Variants in PTPRD observed in about 807,000 individuals in gnomAD.
PTPRD encodes the protein receptor-type tyrosine-protein phosphatase delta.
PTPRD carries 34 observed loss-of-function variants against 214.5 expected under a neutral mutation model. The ratio of observed to expected loss-of-function variants is 0.16; its 90% CI spans 0.12 to 0.21. The LOEUF (loss-of-function observed/expected upper bound fraction) is 0.21, where lower values mean the gene tolerates loss of function less well. Among genes scored for constraint, PTPRD ranks in the 10% least tolerant of loss-of-function variants. The probability of loss-of-function intolerance (pLI) is 1.00; values close to 1 mark genes in which losing one functional copy is unlikely to be tolerated. For synonymous variants in PTPRD, 1,128 were observed against 845.7 expected, an observed-to-expected ratio of 1.33 and a Z score of -5.79; for missense variants, 2,545 against 2,398.7, an observed-to-expected ratio of 1.06 and a Z score of -1.27.
chr9:9,906,019 A>G (rs1406755361), intron 5 of PTPRD, among the ~76,000 whole-genome samples: 1 of 151,952 alleles, frequency 6.6e-6, no homozygotes, highest in Non-Finnish European at 1.5e-5. Context: ...TGTAACTTGA[A>G]GTACAGCTGA....
intron 7 of PTPRD, among the ~76,000 whole-genome samples, chr9:9,707,392 T>G (rs994290223): frequency 2.0e-5 from 3 of 152,210 alleles, no homozygotes; most frequent in African/African-American, 7.2e-5. Context: ...AGAGATGAGA[T>G]ATATTTCATT....
At chr9:8,893,928 T>C (rs1357740239) in intron 11 of PTPRD, among the ~76,000 whole-genome samples, 2 of 142,188 alleles carry the variant, frequency 1.4e-5, no homozygotes, top group Non-Finnish European at 3.1e-5. Context: ...AATGAATACA[T>C]CTGCATATGT....
Position 9,802,199 on chromosome 9 carries a change from C to T in PTPRD, c.-367-35348G>A, listed in dbSNP as rs555487661. On this transcript the variant is annotated intron_variant, in intron 5 of 45. Coordinates refer to ENST00000381196, the MANE Select transcript of PTPRD (RefSeq NM_002839.4). ...ATAATTTAAACTCAGTTTAAAATTG[C>T]TTTTACTTTACTCCTGAAATGCAAA... Among the ~76,000 whole-genome samples, 6 of 150,842 alleles carry T rather than the reference C, an allele frequency of 4.0e-5. No homozygotes were observed. The East Asian group carries it at 1.1e-3, about 27-fold the overall frequency.
At position 9,571,036 on chromosome 9, in the gene PTPRD, ATGACATGGCTTAGAC is replaced by A. The variant is rs542989932; in HGVS notation, c.-237+3681_-237+3695del. 5.3e-5 allele frequency among the ~76,000 whole-genome samples: 8 copies of A among 151,594 alleles called. No individual in the cohort carries two copies. The South Asian group carries it at 8.3e-4, about 16-fold the overall frequency. ...TTACATTATGAGTTACTCTTAAATC[ATGACATGGCTTAGAC>A]TAAGGACCCAGAGATGAAAAACAAA... On this transcript the variant is annotated intron_variant, in intron 8 of 45. Transcript: ENST00000381196.
At chr9:8,910,665 AT>A (rs1162700546) in intron 11 of PTPRD, among the ~76,000 whole-genome samples, 1 of 152,196 alleles carries the variant, frequency 6.6e-6, no homozygotes, top group Non-Finnish European at 1.5e-5. Context: ...AATAAATTTC[AT>A]TTCTTATCAA....
chr9:8,863,008 TATACG>T (rs1482351680), intron 11 of PTPRD, among the ~76,000 whole-genome samples: 2 of 152,116 alleles, frequency 1.3e-5, no homozygotes, highest in African/African-American at 4.8e-5. Context: ...ATGGCACATG[TATACG>T]TATGTAACTA....
intron 8 of PTPRD, among the ~76,000 whole-genome samples, chr9:9,413,840 C>A (rs571922546): frequency 5.2e-4 from 79 of 152,278 alleles, no homozygotes; most frequent in African/African-American, 1.6e-3. Flanking sequence ...ATGACAGTCA[C>A]TTAATAAATG....
At chr9:8,846,187 A>G (rs1017373372) in intron 11 of PTPRD, among the ~76,000 whole-genome samples, 1 of 152,216 alleles carries the variant, frequency 6.6e-6, no homozygotes, top group Non-Finnish European at 1.5e-5. Flanking sequence ...ATATAAAATT[A>G]AAATTAATTA....
At chr9:9,935,136 C>A (rs1231414473) in intron 5 of PTPRD, among the ~76,000 whole-genome samples, 2 of 152,050 alleles carry the variant, frequency 1.3e-5, no homozygotes, top group Non-Finnish European at 2.9e-5. Context: ...TGGGCAAAAA[C>A]TGGAAGCATT....
At chr9:9,762,855 A>T (rs894945675) in intron 6 of PTPRD, among the ~76,000 whole-genome samples, 7 of 152,226 alleles carry the variant, frequency 4.6e-5, no homozygotes, top group Admixed American at 6.5e-5. Flanking sequence ...CCATAGCAAG[A>T]TACCATAGAC....
At chr9:8,488,898 C>G (rs560739219) in intron 27 of PTPRD, among the ~76,000 whole-genome samples, 1 of 152,218 alleles carries the variant, frequency 6.6e-6, no homozygotes, top group African/African-American at 2.4e-5. Flanking sequence ...ACTATTAATT[C>G]TCAATATTCT....
intron 3 of PTPRD, among the ~76,000 whole-genome samples, chr9:10,042,032 G>T (rs556093655): frequency 6.6e-6 from 1 of 152,162 alleles, no homozygotes; most frequent in South Asian, 2.1e-4. Flanking sequence ...TTTGGAAGCA[G>T]AATGACAATG....
chr9:10,596,820 C>G (rs1353122794), intron 2 of PTPRD, among the ~76,000 whole-genome samples: 9 of 151,460 alleles, frequency 5.9e-5, no homozygotes, highest in Non-Finnish European at 1.3e-4. Flanking sequence ...ATAATATCTG[C>G]TTTTAATATT....
chr9:9,058,691 C>A (rs200763793), intron 10 of PTPRD, among the ~76,000 whole-genome samples: 1 of 151,390 alleles, frequency 6.6e-6, no homozygotes, highest in Non-Finnish European at 1.5e-5. Context: ...CCTCGTGATC[C>A]GCCCGCCTCG....
intron 14 of PTPRD, among the ~76,000 whole-genome samples, chr9:8,536,950 A>C (rs2077108385): frequency 6.6e-6 from 1 of 152,056 alleles, no homozygotes; most frequent in Admixed American, 6.6e-5. Context: ...TTCAAAATGA[A>C]TCACAGTATC....
chr9:9,664,816 C>G (rs1327809464), intron 7 of PTPRD, among the ~76,000 whole-genome samples: 2 of 151,564 alleles, frequency 1.3e-5, no homozygotes, highest in Non-Finnish European at 3.0e-5. Context: ...AATGAGAAAG[C>G]CTCTATCCCA....
chr9:8,790,563 G>A (rs2096188956), intron 11 of PTPRD, among the ~76,000 whole-genome samples: 1 of 151,942 alleles, frequency 6.6e-6, no homozygotes, highest in African/African-American at 2.4e-5. Flanking sequence ...GACTACAGGT[G>A]CCTGCATCTG....
intron 12 of PTPRD, among the ~76,000 whole-genome samples, chr9:8,685,217 C>G (rs925807290): frequency 2.1e-5 from 3 of 141,894 alleles, no homozygotes; most frequent in African/African-American, 7.9e-5. Context: ...TCAAAGGAAA[C>G]AAAAAGGCCT....
At chr9:10,274,103 C>T (rs1404353426) in intron 3 of PTPRD, among the ~76,000 whole-genome samples, 2 of 152,072 alleles carry the variant, frequency 1.3e-5, no homozygotes, top group Non-Finnish European at 2.9e-5. Flanking sequence ...GCTCTGCCCA[C>T]CAGTTAACCT....
Sources: gnomAD v4.1 joint callset for allele counts (sites outside exome capture counted in the v4.1 genomes callset) on GRCh38, gnomAD v4.1.1 for gene constraint, MANE v1.5 for transcripts, NCBI Gene and HGNC (gene_info 2026-07-23, HGNC 2026-07-21) for gene names.